Variants in KDM2B observed in about 807,000 individuals in gnomAD.
KDM2B encodes lysine-specific demethylase 2B.
KDM2B carries 26 observed loss-of-function variants against 150.0 expected under a neutral mutation model. That is an observed-to-expected ratio of 0.17 (90% CI 0.13 to 0.24). The LOEUF (loss-of-function observed/expected upper bound fraction) is 0.24, where lower values mean the gene tolerates loss of function less well. KDM2B is among the 10% of genes least tolerant of loss of function. The pLI, the probability that KDM2B is intolerant of heterozygous loss-of-function variation, is 1.00. For synonymous variants in KDM2B, 734 were observed against 729.5 expected (o/e 1.01, Z -0.10); for missense variants, 1,265 against 1,816.9 (o/e 0.70, Z 5.52).
intron 22 of KDM2B, among the ~76,000 whole-genome samples, chr12:121,439,537 C>G (rs573289434): frequency 6.6e-6 from 1 of 151,798 alleles, no homozygotes; most frequent in African/African-American, 2.4e-5. Flanking sequence ...CGGCCACCAA[C>G]CCCCGGCTAA....
chr12:121,505,529 T>G (rs1334087336), intron 11 of KDM2B, among the ~76,000 whole-genome samples: 1 of 152,046 alleles, frequency 6.6e-6, no homozygotes, highest in African/African-American at 2.4e-5. Context: ...AGAGTAAGAC[T>G]CTGTCTCAAA....
intron 12 of KDM2B, among the ~76,000 whole-genome samples, chr12:121,456,610 C>T (rs573735549): frequency 7.9e-5 from 12 of 152,290 alleles, no homozygotes; most frequent in East Asian, 1.9e-4. Flanking sequence ...TTCAAAGGAA[C>T]GCCAGGTATC....
chr12:121,524,452 G>A (rs1555306428), intron 8 of KDM2B, among the ~76,000 whole-genome samples: 1 of 152,232 alleles, frequency 6.6e-6, no homozygotes, highest in African/African-American at 2.4e-5. Flanking sequence ...CTGCTGCGAG[G>A]AGGGGGCAGG....
At position 121,444,136 on chromosome 12, in the gene KDM2B, C is replaced by T. The variant is rs782617961; in HGVS notation, c.2327G>A (p.Arg776His). Residue 776 changes from arginine (R) to histidine (H), a missense_variant, in exon 16 of 23, where the codon CGC becomes CAC. By Grantham distance (29) the Arg-to-His change is conservative. Coordinates refer to ENST00000377071, the MANE Select transcript of KDM2B (RefSeq NM_032590.5). ...CTTCTTCGAGTGCTCATCCGACCTG[C>T]GCCGGGGCGCCTCCTCACACTCACT... ...RRSECEEAPR[R>H]RSDEHSKKVP... 1.2e-6 allele frequency: 2 copies of T among 1,612,822 alleles called. No homozygotes were observed. The highest frequency in any genetic ancestry group is 1.1e-5 in the South Asian group (1 of 91,088).
intron 11 of KDM2B, among the ~76,000 whole-genome samples, chr12:121,499,917 C>A (rs1004976123): frequency 6.6e-6 from 1 of 151,784 alleles, no homozygotes; most frequent in African/African-American, 2.4e-5. Context: ...CCACTGCACT[C>A]TAGCCTGGGT....
In KDM2B at chr12:121,549,032, G is replaced by T; in HGVS notation, c.577-49C>A. 6.8e-7 allele frequency: 1 copy of T among 1,465,948 alleles called. No individual in the cohort carries two copies. The highest frequency in any genetic ancestry group is 9.6e-7 in the Non-Finnish European group (1 of 1,046,312). The allele number at this position is 1,465,948 out of a possible 1,614,324, so 90.8% of individuals were successfully genotyped here. On this transcript the variant is annotated intron_variant, in intron 5 of 22. Coordinates refer to ENST00000377071, the MANE Select transcript of KDM2B (RefSeq NM_032590.5). The surrounding 1 kb of genome is among the most constrained non-coding windows in gnomAD (Gnocchi z 4.4). ...ACTGCATTTCTCCACTGCCGAGCCA[G>T]ACACAAATACCCCTTTCCCCGGAGA...
chr12:121,413,811 G>A, the KDM2B span, among the ~76,000 whole-genome samples: 4 of 151,886 alleles, frequency 2.6e-5, no homozygotes, highest in Non-Finnish European at 5.9e-5. Context: ...TCCTGATCTC[G>A]TGATCCACCC....
At chr12:121,463,350 G>A (rs1213188410) in intron 12 of KDM2B, among the ~76,000 whole-genome samples, 1 of 151,294 alleles carries the variant, frequency 6.6e-6, no homozygotes, top group Non-Finnish European at 1.5e-5. Flanking sequence ...AATACCTAAT[G>A]CATGTGGGGC....
chr12:121,533,803 G>C lies in KDM2B; in HGVS notation c.777+694C>G, dbSNP rs975093929. On this transcript the variant is annotated intron_variant, in intron 7 of 22. Transcript: ENST00000377071. This position sits in a 1 kb window ranked among gnomAD's most constrained non-coding sequence, Gnocchi z 4.1. ...ACTTGACCTTGCCCTCCAGAAGGAG[G>C]AGGTGGTTCTAGGGAAAGAAGCGAC... Among the ~76,000 whole-genome samples the C allele has an allele frequency of 7.2e-5, 11 of 152,154 alleles. No homozygotes were observed. Among genetic ancestry groups the C allele is most frequent in the African/African-American group, 1.9e-4 (8 of 41,432 alleles).
At chr12:121,499,483 T>C (rs879963472) in intron 11 of KDM2B, among the ~76,000 whole-genome samples, 3 of 151,818 alleles carry the variant, frequency 2.0e-5, no homozygotes, top group Admixed American at 1.3e-4. Context: ...ATCCCATCTC[T>C]ACAAAAAAAA....
chr12:121,444,584 C>T, intron 14 of KDM2B, 48 bp from the exon 15 acceptor site: 2 of 1,507,930 alleles, frequency 1.3e-6, no homozygotes, highest in South Asian at 2.3e-5. Flanking sequence ...GAGAAGATGG[C>T]CCACGGGCAC....
At chr12:121,530,637 T>C (rs1336152530) in intron 8 of KDM2B, among the ~76,000 whole-genome samples, 2 of 151,808 alleles carry the variant, frequency 1.3e-5, no homozygotes, top group South Asian at 2.1e-4. Flanking sequence ...GCATGACCCT[T>C]CAGGCCAGAA....
In KDM2B at chr12:121,430,028, C is replaced by T. The variant is rs1555285066; in HGVS notation, c.*260G>A. The T allele has an allele frequency of 1.7e-6, 2 of 1,143,786 alleles. No individual in the cohort carries two copies. The highest frequency in any genetic ancestry group is 1.2e-5 in the South Asian group (1 of 81,582). 70.9% of individuals were successfully genotyped at this position (1,143,786 alleles called of 1,614,324 possible). On this transcript the variant is annotated 3_prime_UTR_variant, in exon 23 of 23. Transcript: ENST00000377071. This position sits in a 1 kb window ranked among gnomAD's most constrained non-coding sequence, Gnocchi z 4.4. ...CTCCGAAGTCCACCCTCCTCTCCGA[C>T]AGGAATGTCTTCTTGTAAAGGCCGC...
rs375372516 is a variant in KDM2B, at chr12:121,440,940, G to A, written c.3486C>T (p.Ile1162=). 214 of 1,613,960 alleles carry A rather than the reference G, an allele frequency of 1.3e-4. No individual in the cohort carries two copies. Among genetic ancestry groups the A allele is most frequent in the Non-Finnish European group, 1.7e-4 (198 of 1,180,030 alleles). ...TGGAGCTGCAAAGGGCCGAGACCGC[G>A]ATCCATGAGCAGCCTGACAGCACCA... is the stretch of plus-strand genomic sequence containing the variant. ...RDLVLSGCSW[I]AVSALCSSSC... The change falls in exon 21 of 23, where the codon ATC becomes ATT. Residue 1162 remains isoleucine (I), a synonymous_variant. Transcript: ENST00000377071.
At chr12:121,416,416 T>A in the KDM2B span, 1 of 1,313,372 alleles carries the variant, frequency 7.6e-7, no homozygotes, top group Non-Finnish European at 1.1e-6. Context: ...CACACATGGG[T>A]CAGCATTCTT....
intron 12 of KDM2B, among the ~76,000 whole-genome samples, chr12:121,481,758 G>GTT (rs111363850): frequency 8.1e-6 from 1 of 123,156 alleles, no homozygotes; most frequent in Non-Finnish European, 1.7e-5. Context: ...TTATCTTAGG[G>GTT]TTTTTTTTGT....
intron 22 of KDM2B, among the ~76,000 whole-genome samples, chr12:121,436,796 C>G (rs1555286894): frequency 6.6e-6 from 1 of 152,162 alleles, no homozygotes. Context: ...TTACAGACGA[C>G]TTTCTATTAA....
At chr12:121,434,500 CAAAAA>C (rs1166374523) in intron 22 of KDM2B, among the ~76,000 whole-genome samples, 20 of 62,292 alleles carry the variant, frequency 3.2e-4, no homozygotes, top group South Asian at 1.5e-3. Flanking sequence ...GACTCTCTAT[CAAAAA>C]AAAAAAAAAA....
chr12:121,572,767 G>A (rs770219764), intron 4 of KDM2B, among the ~76,000 whole-genome samples: 13 of 151,310 alleles, frequency 8.6e-5, no homozygotes, highest in East Asian at 5.8e-4. Flanking sequence ...TGAGCCTCCC[G>A]TCACAGCCTC....
Sources: gnomAD v4.1 joint callset for allele counts (sites outside exome capture counted in the v4.1 genomes callset) on GRCh38, gnomAD v4.1.1 for gene constraint, Gnocchi (gnomAD v3.1) non-coding constraint, MANE v1.5 for transcripts, NCBI Gene and HGNC (gene_info 2026-07-23, HGNC 2026-07-21) for gene names.